MCF2: variants seen among roughly 807,000 people sequenced by gnomAD.
MCF2 encodes MCF.2 cell line derived transforming sequence, also known as proto-oncogene DBL.
MCF2 carries 44 observed loss-of-function variants against 82.5 expected under a neutral mutation model. That is an observed-to-expected ratio of 0.53 (90% CI 0.42 to 0.69). The LOEUF is 0.69. Among genes scored for constraint, MCF2 ranks in the 30% least tolerant of loss-of-function variants. The probability of loss-of-function intolerance (pLI) is 0.00; values close to 1 mark genes in which losing one functional copy is unlikely to be tolerated. For missense variants in MCF2, 623 were observed against 663.1 expected (o/e 0.94, Z 0.66); for synonymous variants, 217 against 224.9 (o/e 0.96, Z 0.32).
Position 139,700,481 on chromosome X carries a change from G to C in MCF2, c.-45+7625C>G, listed in dbSNP as rs912355386. On this transcript the variant is annotated intron_variant, in intron 1 of 27. Coordinates refer to the MCF2 transcript ENST00000414978. Reference sequence around the variant, plus strand: ...ATTTTAATAGAATATTGATATTTTGGCATGACTGGAAATACCCTTGTAGTT... The same window carrying C: ...ATTTTAATAGAATATTGATATTTTGCCATGACTGGAAATACCCTTGTAGTT... 4.5e-5 allele frequency among the ~76,000 whole-genome samples: 5 copies of C among 111,865 alleles called. No individual in the cohort carries two copies. The East Asian group carries it at 1.1e-3, about 25-fold the overall frequency.
intron 1 of MCF2, among the ~76,000 whole-genome samples, chrX:139,686,533 A>T (rs1393670286): frequency 1.8e-5 from 2 of 109,911 alleles, no homozygotes; most frequent in Non-Finnish European, 1.9e-5. Flanking sequence ...GAAAAAAAAA[A>T]AGTTAACAGG....
chrX:139,631,447 T>C, exon 3 of MCF2: 1 of 1,207,938 alleles, frequency 8.3e-7, no homozygotes, highest in Non-Finnish European at 1.1e-6. Context: ...GCCGCCTAAC[T>C]CAGGGGTTAA....
At chrX:139,648,963 C>A (rs1933899922) in intron 2 of MCF2, among the ~76,000 whole-genome samples, 1 of 111,747 alleles carries the variant, frequency 8.9e-6, no homozygotes, top group Admixed American at 9.5e-5. Context: ...AGATATTTCA[C>A]CACCCATCTC....
chrX:139,645,460 T>C (rs1603299175), upstream of MCF2: 1 of 418,095 alleles, frequency 2.4e-6, no homozygotes, highest in East Asian at 4.1e-5. Context: ...TCACATTCCA[T>C]CAATTTTTAT....
At chrX:139,605,120 C>A in intron 13 of MCF2, 136 bp from the exon 18 acceptor site, 24 of 237,183 alleles carry the variant, frequency 1.0e-4, no homozygotes, top group East Asian at 2.1e-4. Flanking sequence ...AATTTTAATT[C>A]AATTCAAATC....
At chrX:139,613,345 G>A in intron 10 of MCF2, 82 bp from the exon 14 acceptor site, 1 of 722,037 alleles carries the variant, frequency 1.4e-6, no homozygotes, top group Non-Finnish European at 2.1e-6. Flanking sequence ...GCTAATGAGT[G>A]ACTAATGACT....
At chrX:139,616,509 G>A (rs1363728818) in intron 8 of MCF2, 36 bp from the exon 12 acceptor site, 4 of 683,919 alleles carry the variant, frequency 5.8e-6, no homozygotes, top group Non-Finnish European at 8.2e-6. Flanking sequence ...AAAAAAATAT[G>A]AATTAATAAA....
chrX:139,686,131 G>A (rs1254002005), intron 1 of MCF2, among the ~76,000 whole-genome samples: 1 of 108,259 alleles, frequency 9.2e-6, no homozygotes, highest in Non-Finnish European at 1.9e-5. Flanking sequence ...AAAATAATAA[G>A]AGCCATCTAT....
intron 4 of MCF2, among the ~76,000 whole-genome samples, chrX:139,628,525 C>T (rs181139873): frequency 4.5e-5 from 5 of 111,540 alleles, no homozygotes; most frequent in Admixed American, 3.8e-4. Context: ...TGGTACTATG[C>T]TCACTACCTG....
intron 1 of MCF2, among the ~76,000 whole-genome samples, chrX:139,696,937 T>A (rs1054939808): frequency 8.9e-6 from 1 of 112,174 alleles, no homozygotes; most frequent in African/African-American, 3.2e-5. Flanking sequence ...AAGGACTATA[T>A]CAAGTTTCAA....
chrX:139,635,662 A>AT (rs1933164583), intron 1 of MCF2, among the ~76,000 whole-genome samples: 1 of 108,999 alleles, frequency 9.2e-6, no homozygotes. Context: ...GCCGAAAAAA[A>AT]ATATATATAT....
At chrX:139,669,996 C>A (rs373592640) in intron 1 of MCF2, among the ~76,000 whole-genome samples, 4 of 111,273 alleles carry the variant, frequency 3.6e-5, no homozygotes, top group Non-Finnish European at 7.5e-5. Context: ...TACACCTCTG[C>A]GAATATGCTA....
At chrX:139,680,891 C>T (rs1270621882) in intron 1 of MCF2, among the ~76,000 whole-genome samples, 1 of 112,480 alleles carries the variant, frequency 8.9e-6, no homozygotes, top group African/African-American at 3.2e-5. Flanking sequence ...CAGAAGAACA[C>T]ACAATATCTG....
At chrX:139,642,431 G>T in intron 1 of MCF2, 1 of 1,210,773 alleles carries the variant, frequency 8.3e-7, no homozygotes. Flanking sequence ...CTTGAACTTG[G>T]GAACAGGCTT....
chrX:139,673,566 A>G (rs1934772260), intron 1 of MCF2, among the ~76,000 whole-genome samples: 1 of 111,653 alleles, frequency 9.0e-6, no homozygotes, highest in Non-Finnish European at 1.9e-5. Context: ...CCTTCATTTC[A>G]TTATTTACCC....
exon 9 of MCF2, chrX:139,616,288 C>A: frequency 1.8e-6 from 2 of 1,088,842 alleles, no homozygotes; most frequent in Non-Finnish European, 2.4e-6. Context: ...CTACCTTAAG[C>A]TCAGGAGATA....
intron 1 of MCF2, among the ~76,000 whole-genome samples, chrX:139,677,853 G>A (rs1315504960): frequency 8.9e-6 from 1 of 111,991 alleles, no homozygotes; most frequent in Non-Finnish European, 1.9e-5. Context: ...CAAAAACATG[G>A]TGGGAAAAAT....
Position 139,632,324 on chromosome X carries a change from T to C in MCF2, c.171+11A>G, listed in dbSNP as rs754957733. 1.7e-6 allele frequency: 2 copies of C among 1,177,501 alleles called. No homozygotes were observed. The highest frequency in any genetic ancestry group is 3.8e-5 in the South Asian group (2 of 53,249). On this transcript the variant is annotated intron_variant, in intron 2 of 24. Transcript: ENST00000370576. ...TTAGAGGAACAAAACATTTAAATAA[T>C]ATACTCTTACTGGTAATTTAAGCAT...
In MCF2 at chrX:139,582,475, T is replaced by C. The variant is rs374233217; in HGVS notation, c.2774A>G (p.Tyr925Cys). 1.3e-5 allele frequency: 16 copies of C among 1,207,841 alleles called. No individual in the cohort carries two copies. The African/African-American group carries it at 2.5e-4, about 19-fold the overall frequency. Residue 925 changes from tyrosine (Y) to cysteine (C), a missense_variant, in exon 25 of 25, where the codon TAT becomes TGT. Tyr to Cys is a radical substitution (Grantham distance 194). Transcript: ENST00000370576. Reference sequence around the variant, plus strand: ...CCATTTGACATAGTAGCTTCATCAATATAGGAGAGCCATCTCCGACACAGG... The same window carrying C: ...CCATTTGACATAGTAGCTTCATCAACATAGGAGAGCCATCTCCGACACAGG...
Sources: gnomAD v4.1 joint callset for allele counts (sites outside exome capture counted in the v4.1 genomes callset) on GRCh38, gnomAD v4.1.1 for gene constraint, MANE v1.5 for transcripts, NCBI Gene and HGNC (gene_info 2026-07-23, HGNC 2026-07-21) for gene names.